Variants in DNAH10 observed in about 807,000 individuals in gnomAD.
DNAH10 encodes dynein axonemal heavy chain 10.
Under a neutral mutation model 506.6 loss-of-function variants are expected in DNAH10, and 348 were observed. That is an observed-to-expected ratio of 0.69 (90% CI 0.63 to 0.75). DNAH10 has a LOEUF of 0.75. DNAH10 is among the 30% of genes least tolerant of loss of function. The probability of loss-of-function intolerance (pLI) is 0.00; values close to 1 mark genes in which losing one functional copy is unlikely to be tolerated. For missense variants in DNAH10, 5,179 were observed against 5,787.1 expected (o/e 0.89, Z 3.41); for synonymous variants, 2,059 against 2,198.6 (o/e 0.94, Z 1.78).
chr12:123,914,738 G>A, intron 61 of DNAH10, 114 bp from the exon 62 acceptor site: 2 of 1,461,522 alleles, frequency 1.4e-6, no homozygotes. Flanking sequence ...CTCTGAGGAG[G>A]CTTGTGTGGC....
Position 123,931,754 on chromosome 12 carries a change from ACT to A in DNAH10, c.13039_13040del (p.Ser4347ProfsTer26). ...AGGTGAGGAAGCGCCTCGGAACAGG[ACT>A]CTCCCCCACTTCGGTGGTGCTCCTG... ...DQVRKRLGTGLSPTSVVLLQE... is the reference protein window; with the variant it reads ...DQVRKRLGTGXSPTSVVLLQE... On this transcript the variant is annotated frameshift_variant, in exon 75 of 79. Coordinates refer to ENST00000673944, the MANE Select transcript of DNAH10 (RefSeq NM_001372106.1). LOFTEE classifies it high-confidence loss of function. The A allele has an allele frequency of 6.2e-7, 1 of 1,613,510 alleles. No homozygotes were observed. Among genetic ancestry groups the A allele is most frequent in the Non-Finnish European group, 8.5e-7 (1 of 1,179,794 alleles).
chr12:123,871,254 T>C (rs80104576), intron 44 of DNAH10, among the ~76,000 whole-genome samples: 5,307 of 152,306 alleles, frequency 0.035, 269 homozygotes, highest in African/African-American at 0.11. Flanking sequence ...AACCCTGGAC[T>C]GTGGTGATGG....
At chr12:123,860,365 A>C (rs1951565986) in intron 38 of DNAH10, among the ~76,000 whole-genome samples, 1 of 152,214 alleles carries the variant, frequency 6.6e-6, no homozygotes, top group South Asian at 2.1e-4. Flanking sequence ...TCTTTAATTC[A>C]TTCATTGTAA....
chr12:123,905,136 C>A (rs1466662345), intron 57 of DNAH10, among the ~76,000 whole-genome samples: 1 of 152,132 alleles, frequency 6.6e-6, no homozygotes, highest in African/African-American at 2.4e-5. Context: ...TGCATCTTTT[C>A]TGCTTAGCAG....
intron 5 of DNAH10, among the ~76,000 whole-genome samples, chr12:123,775,840 A>T (rs1451103988): frequency 6.6e-6 from 1 of 152,200 alleles, no homozygotes; most frequent in African/African-American, 2.4e-5. Flanking sequence ...ATGCTGCTGT[A>T]GGGAACTGCC....
At chr12:123,898,544 T>TA in intron 55 of DNAH10, 109 bp from the exon 56 acceptor site, 2 of 1,350,010 alleles carry the variant, frequency 1.5e-6, no homozygotes. Context: ...TGCCATCTTG[T>TA]AAAAATGTTT....
chr12:123,909,798 G>A lies in DNAH10; in HGVS notation c.9997+356G>A, dbSNP rs1953983443. Among the ~76,000 whole-genome samples the A allele has an allele frequency of 6.6e-6, 1 of 152,232 alleles. No homozygotes were observed. The highest frequency in any genetic ancestry group is 2.4e-5 in the African/African-American group (1 of 41,456). ...TTCAGTGCACATGCAGAAGCCCAGA[G>A]CTAGTCTGACCTTGACTTCCCCCCT... is the stretch of plus-strand genomic sequence containing the variant. On this transcript the variant is annotated intron_variant, in intron 58 of 78. Transcript: ENST00000673944. This position sits in a 1 kb window ranked among gnomAD's most constrained non-coding sequence, Gnocchi z 5.4.
chr12:123,803,072 A>C (rs1958533168), intron 16 of DNAH10, among the ~76,000 whole-genome samples: 1 of 151,900 alleles, frequency 6.6e-6, no homozygotes, highest in Non-Finnish European at 1.5e-5. Context: ...AAAAACTGTA[A>C]ATTTCAACTA....
chr12:123,859,140 T>C lies in DNAH10; in HGVS notation c.6631-10T>C. ...ATGTTTTAGCCCAGCTGCCATTGTT[T>C]GTCCCGCAGGTGGATAAAGTGGTTC... is the stretch of plus-strand genomic sequence containing the variant. On this transcript the variant is annotated splice_polypyrimidine_tract_variant and intron_variant, in intron 37 of 78. Transcript: ENST00000673944. 1 of 1,603,902 alleles carries C rather than the reference T, an allele frequency of 6.2e-7. No homozygotes were observed. Among genetic ancestry groups the C allele is most frequent in the East Asian group, 2.2e-5 (1 of 44,648 alleles).
Position 123,924,443 on chromosome 12 carries a change from GT to G in DNAH10, c.11766+13del. The G allele has an allele frequency of 6.2e-7, 1 of 1,607,114 alleles. No individual in the cohort carries two copies. Among genetic ancestry groups the G allele is most frequent in the Non-Finnish European group, 8.5e-7 (1 of 1,174,480 alleles). On this transcript the variant is annotated intron_variant, in intron 67 of 78. Transcript: ENST00000673944. Reference sequence around the variant, plus strand: ...ACTGTCTGGCAGGAGGTGAGCCCACGTTCCCTTTCTCCTCCTCTCCTTCCCC... The same window carrying G: ...ACTGTCTGGCAGGAGGTGAGCCCACGTCCCTTTCTCCTCCTCTCCTTCCCC...
chr12:123,790,665 A>G lies in DNAH10; in HGVS notation c.1815+544A>G, dbSNP rs1374650940. 2.0e-5 allele frequency among the ~76,000 whole-genome samples: 3 copies of G among 152,256 alleles called. No homozygotes were observed. The South Asian group carries it at 6.2e-4, about 32-fold the overall frequency. ...ACAGGAATTGTCTGAGGCAGAGCAA[A>G]CAGAGGGGTTTGGCATAACACATAT... On this transcript the variant is annotated intron_variant, in intron 11 of 78. Transcript: ENST00000673944.
In DNAH10 at chr12:123,935,468, T is replaced by C; in HGVS notation, c.13757T>C (p.Leu4586Pro). 1 of 1,588,228 alleles carries C rather than the reference T, an allele frequency of 6.3e-7. No homozygotes were observed. ...GTGCTGCAAGGAGTATGCCTCACCC[T>C]GAATTCTGATTAACCTTTGGGTGAA... ...HWVLQGVCLTLNSD is the reference protein window; with the variant it reads ...HWVLQGVCLTPNSD The change falls in exon 79 of 79, where the codon CTG (leucine) becomes CCG (proline). Residue 4586 changes from leucine (L) to proline (P), a missense_variant. By Grantham distance (98) the Leu-to-Pro change is moderately conservative. This residue lies in a region of DNAH10 where 4,844 missense variants were observed against 5,430.5 expected (regional missense o/e 0.89). Transcript: ENST00000673944.
chr12:123,927,127 C>T lies in DNAH10; in HGVS notation c.12105+307C>T, dbSNP rs1274074759. 2.1e-5 allele frequency: 7 copies of T among 340,718 alleles called. No homozygotes were observed. In the East Asian group the frequency reaches 3.2e-4, roughly 15 times the overall value. The allele number at this position is 340,718 out of a possible 1,614,324, so 21.1% of individuals were successfully genotyped here. On this transcript the variant is annotated intron_variant, in intron 69 of 78. Coordinates refer to ENST00000673944, the MANE Select transcript of DNAH10 (RefSeq NM_001372106.1). ...GTGCGAACATAGCTCACTGCAGCCT[C>T]GACCTCCTGATTGTGAAGTGATCGT...
intron 46 of DNAH10, among the ~76,000 whole-genome samples, chr12:123,874,764 G>A (rs1256328749): frequency 6.6e-6 from 1 of 152,200 alleles, no homozygotes; most frequent in Non-Finnish European, 1.5e-5. Flanking sequence ...AAGCCCCTGA[G>A]TTGAAACAGG....
rs557814501 is a variant in DNAH10, at chr12:123,912,563, C to T, written c.10135-535C>T. Among the ~76,000 whole-genome samples, 4 of 151,976 alleles carry T rather than the reference C, an allele frequency of 2.6e-5. 1 individual carries two copies. The highest frequency in any genetic ancestry group is 9.7e-5 in the African/African-American group (4 of 41,416). On this transcript the variant is annotated intron_variant, in intron 59 of 78. Coordinates refer to ENST00000673944, the MANE Select transcript of DNAH10 (RefSeq NM_001372106.1). ...GCCTCACCCCACTGGATGCCAGCAGCACCCTCCCTCCAAGCTGTGACATCC... is the reference window on the plus strand; with the variant it reads ...GCCTCACCCCACTGGATGCCAGCAGTACCCTCCCTCCAAGCTGTGACATCC...
intron 30 of DNAH10, among the ~76,000 whole-genome samples, chr12:123,842,911 C>G (rs376666625): frequency 1.3e-5 from 2 of 152,326 alleles, no homozygotes; most frequent in African/African-American, 4.8e-5. Context: ...TCAACCCCTG[C>G]TCTGGGCGAT....
intron 77 of DNAH10, 109 bp downstream of exon 77, chr12:123,933,620 A>G: frequency 7.6e-7 from 1 of 1,316,256 alleles, no homozygotes; most frequent in Non-Finnish European, 1.0e-6. Flanking sequence ...GGGCCAGGCC[A>G]TGTTTGAAAG....
Position 123,859,283 on chromosome 12 carries a change from C to A in DNAH10, c.6749+15C>A. 6.4e-7 allele frequency: 1 copy of A among 1,555,430 alleles called. No individual in the cohort carries two copies. ...GCCCAGACCAAGTGAGTATGACCTC[C>A]GTAGGGAGGGCCTGGCTGCCACAGG... On this transcript the variant is annotated intron_variant, in intron 38 of 78. Transcript: ENST00000673944.
At chr12:123,840,857 A>G (rs1462203170) in intron 29 of DNAH10, among the ~76,000 whole-genome samples, 2 of 152,168 alleles carry the variant, frequency 1.3e-5, no homozygotes, top group Non-Finnish European at 2.9e-5. Flanking sequence ...TGATTCTCCC[A>G]AGCCCACCTT....
Sources: allele counts gnomAD v4.1 joint callset (sites outside exome capture counted in the v4.1 genomes callset), GRCh38; gene constraint gnomAD v4.1.1; regional missense constraint gnomAD v4.1.1; non-coding constraint Gnocchi (gnomAD v3.1); transcripts MANE v1.5; gene names NCBI Gene and HGNC (gene_info 2026-07-23, HGNC 2026-07-21).